AUTS2: variants seen among roughly 807,000 people sequenced by gnomAD.
AUTS2 encodes the protein activator of transcription and developmental regulator AUTS2.
Under a neutral mutation model 112.4 loss-of-function variants are expected in AUTS2, and 17 were observed. That is an observed-to-expected ratio of 0.15 (90% confidence interval 0.10 to 0.23). The LOEUF is 0.23. Ranked by LOEUF, AUTS2 falls within the 10% of genes least tolerant of loss-of-function variation. The pLI is 1.00. For missense variants in AUTS2, 1,510 were observed against 1,701.6 expected (o/e 0.89, Z 1.98); for synonymous variants, 751 against 702.7 (o/e 1.07, Z -1.09).
chr7:69,867,973 T>A (rs1793310906), intron 1 of AUTS2, among the ~76,000 whole-genome samples: 1 of 152,072 alleles, frequency 6.6e-6, no homozygotes, highest in Admixed American at 6.6e-5. Flanking sequence ...TATAGGAAAT[T>A]CAGATTTAGC....
At chr7:69,692,689 A>G (rs761424731) in intron 1 of AUTS2, among the ~76,000 whole-genome samples, 18 of 152,214 alleles carry the variant, frequency 1.2e-4, no homozygotes, top group Non-Finnish European at 2.1e-4. Flanking sequence ...CATGGTATAT[A>G]CCAATCTGGA....
At chr7:69,995,505 T>C (rs535806924) in intron 2 of AUTS2, among the ~76,000 whole-genome samples, 8 of 152,218 alleles carry the variant, frequency 5.3e-5, no homozygotes, top group African/African-American at 1.7e-4. Flanking sequence ...TCTCCCTCCT[T>C]CTATTTCTCA....
intron 4 of AUTS2, among the ~76,000 whole-genome samples, chr7:70,154,993 G>C (rs374153490): frequency 6.6e-6 from 1 of 152,202 alleles, no homozygotes; most frequent in Non-Finnish European, 1.5e-5. Flanking sequence ...TGGTGAATGA[G>C]CAGCTGACAG....
intron 5 of AUTS2, among the ~76,000 whole-genome samples, chr7:70,454,117 G>A (rs559799247): frequency 2.0e-5 from 3 of 152,190 alleles, no homozygotes; most frequent in East Asian, 1.9e-4. Context: ...GTGGGTGGTC[G>A]AAGAACTATG....
intron 5 of AUTS2, among the ~76,000 whole-genome samples, chr7:70,691,231 A>G (rs62456812): frequency 0.091 from 13,807 of 152,088 alleles, 813 homozygotes; most frequent in East Asian, 0.27. Context: ...TCTGCTTTCT[A>G]TTAGAAAGGG....
intron 12 of AUTS2, 196 bp downstream of exon 12, chr7:70,774,295 CAA>C (rs913155473): frequency 3.5e-6 from 2 of 565,612 alleles, no homozygotes; most frequent in East Asian, 2.8e-5. Context: ...GCATAGGACA[CAA>C]AGAGACCGAC....
At chr7:70,637,173 G>C (rs1183805276) in intron 5 of AUTS2, among the ~76,000 whole-genome samples, 1 of 152,126 alleles carries the variant, frequency 6.6e-6, no homozygotes, top group Non-Finnish European at 1.5e-5. Context: ...AGTTTCACTG[G>C]GAGTCCATGT....
intron 4 of AUTS2, among the ~76,000 whole-genome samples, chr7:70,258,516 C>G (rs1281999387): frequency 6.6e-6 from 1 of 152,180 alleles, no homozygotes; most frequent in Non-Finnish European, 1.5e-5. Context: ...AGTTATCCAG[C>G]TTGCTGAAGA....
rs192076512 is a variant in AUTS2 at position 69,899,883 on chromosome 7, A to G, written c.522+385A>G. 2.0e-5 allele frequency among the ~76,000 whole-genome samples: 3 copies of G among 152,334 alleles called. No homozygotes were observed. The East Asian group carries it at 5.8e-4, about 29-fold the overall frequency. On this transcript the variant is annotated intron_variant, in intron 2 of 18. Coordinates refer to ENST00000342771, the MANE Select transcript of AUTS2 (RefSeq NM_015570.4). ...CATACATTGTGCATCTCATGGTTCTAAGGTGCTAAAATGATTGCCTGTGTG... is the reference window on the plus strand; with the variant it reads ...CATACATTGTGCATCTCATGGTTCTGAGGTGCTAAAATGATTGCCTGTGTG...
intron 2 of AUTS2, among the ~76,000 whole-genome samples, chr7:69,925,177 A>G (rs996346149): frequency 6.6e-6 from 1 of 152,132 alleles, no homozygotes; most frequent in East Asian, 1.9e-4. Flanking sequence ...TCATATCAGT[A>G]TGACTGGGAG....
chr7:70,313,304 AT>A (rs1347525975), intron 4 of AUTS2, among the ~76,000 whole-genome samples: 1 of 152,214 alleles, frequency 6.6e-6, no homozygotes, highest in Non-Finnish European at 1.5e-5. Flanking sequence ...CATTGTTTTC[AT>A]AAGTGCTCTG....
chr7:70,324,018 G>A (rs1023963492), intron 4 of AUTS2, among the ~76,000 whole-genome samples: 7 of 152,190 alleles, frequency 4.6e-5, no homozygotes, highest in Non-Finnish European at 7.3e-5. Context: ...GAGGACAGGC[G>A]TAAAGGCAGG....
intron 4 of AUTS2, among the ~76,000 whole-genome samples, chr7:70,398,952 C>T (rs1794205472): frequency 6.7e-6 from 1 of 148,938 alleles, no homozygotes; most frequent in Non-Finnish European, 1.5e-5. Flanking sequence ...GCTTTTTCTG[C>T]AACTATGAAG....
At chr7:69,829,785 G>A (rs534199328) in intron 1 of AUTS2, among the ~76,000 whole-genome samples, 1 of 152,312 alleles carries the variant, frequency 6.6e-6, no homozygotes, top group South Asian at 2.1e-4. Context: ...TACACTGTTG[G>A]TGGGAATGTA....
chr7:70,189,183 G>A (rs113424250), intron 4 of AUTS2, among the ~76,000 whole-genome samples: 55 of 152,246 alleles, frequency 3.6e-4, no homozygotes, highest in Non-Finnish European at 6.9e-4. Flanking sequence ...CCAATTACAA[G>A]CAGATGATAA....
intron 5 of AUTS2, among the ~76,000 whole-genome samples, chr7:70,517,205 T>G (rs978564840): frequency 6.6e-6 from 1 of 152,188 alleles, no homozygotes; most frequent in Non-Finnish European, 1.5e-5. Context: ...TTGACCAGGA[T>G]TCTTTCTTCT....
At chr7:69,862,708 G>A (rs1435520013) in intron 1 of AUTS2, among the ~76,000 whole-genome samples, 1 of 152,120 alleles carries the variant, frequency 6.6e-6, no homozygotes, top group Non-Finnish European at 1.5e-5. Context: ...GGGGAGATGG[G>A]CTGGTAGATC....
intron 2 of AUTS2, among the ~76,000 whole-genome samples, chr7:69,906,913 G>C (rs1795170507): frequency 6.6e-6 from 1 of 152,110 alleles, no homozygotes; most frequent in African/African-American, 2.4e-5. Context: ...TTCAAGACCA[G>C]CCTGGGCAAT....
chr7:70,548,052 G>A lies in AUTS2; in HGVS notation c.690+112271G>A, dbSNP rs989070055. 9.2e-5 allele frequency among the ~76,000 whole-genome samples: 14 copies of A among 152,234 alleles called. No individual in the cohort carries two copies. The East Asian group carries it at 1.7e-3, about 19-fold the overall frequency. Reference sequence around the variant, plus strand: ...GATGTTTTGAAATGGGGAACTGTGCGTCTTCCAACTTTGTTCTTTTTCAAG... The same window carrying A: ...GATGTTTTGAAATGGGGAACTGTGCATCTTCCAACTTTGTTCTTTTTCAAG... On this transcript the variant is annotated intron_variant, in intron 5 of 18. Coordinates refer to ENST00000342771, the MANE Select transcript of AUTS2 (RefSeq NM_015570.4).
Sources: gnomAD v4.1 joint callset for allele counts (sites outside exome capture counted in the v4.1 genomes callset) on GRCh38, gnomAD v4.1.1 for gene constraint, MANE v1.5 for transcripts, NCBI Gene and HGNC (gene_info 2026-07-23, HGNC 2026-07-21) for gene names.